SPHKAP: variants seen among roughly 807,000 people sequenced by gnomAD.
SPHKAP encodes the protein A-kinase anchor protein SPHKAP.
SPHKAP carries 67 observed loss-of-function variants against 137.5 expected under a neutral mutation model. The observed-to-expected ratio is 0.49, with a 90% CI of 0.40 to 0.60. The LOEUF (loss-of-function observed/expected upper bound fraction) is 0.60, where lower values mean the gene tolerates loss of function less well. SPHKAP is among the 20% of genes least tolerant of loss of function. The pLI is 0.00. For synonymous variants in SPHKAP, 813 were observed against 785.3 expected, an observed-to-expected ratio of 1.04 and a Z score of -0.59; for missense variants, 2,097 against 2,069.3, an observed-to-expected ratio of 1.01 and a Z score of -0.26.
At chr2:228,131,291 G>A (rs1220035121) in intron 2 of SPHKAP, 1 of 984,826 alleles carries the variant, frequency 1.0e-6, no homozygotes, top group African/African-American at 1.8e-5. Flanking sequence ...TTCTGAATTG[G>A]GATGAGAAGA....
At chr2:228,025,060 C>T (rs757408051) in intron 5 of SPHKAP, among the ~76,000 whole-genome samples, 2 of 152,064 alleles carry the variant, frequency 1.3e-5, no homozygotes, top group Non-Finnish European at 2.9e-5. Context: ...TCATACTGCT[C>T]CTAAAAGAGA....
chr2:228,083,460 G>GT (rs34147377), intron 3 of SPHKAP, among the ~76,000 whole-genome samples: 3 of 151,974 alleles, frequency 2.0e-5, no homozygotes, highest in Non-Finnish European at 2.9e-5. Flanking sequence ...TTTTTTCTAT[G>GT]TTTTTTGGCC....
intron 11 of SPHKAP, 175 bp downstream of exon 11, chr2:227,990,824 TA>T: frequency 1.5e-6 from 1 of 658,382 alleles, no homozygotes; most frequent in Non-Finnish European, 2.5e-6. Flanking sequence ...AAAGAAACGC[TA>T]AGTATATTAT....
At chr2:228,065,534 G>A (rs1209952468) in intron 3 of SPHKAP, among the ~76,000 whole-genome samples, 1 of 152,086 alleles carries the variant, frequency 6.6e-6, no homozygotes, top group East Asian at 1.9e-4. Flanking sequence ...CTATAAAAGG[G>A]GGCACTGAGA....
intron 3 of SPHKAP, among the ~76,000 whole-genome samples, chr2:228,083,496 G>A (rs1697433373): frequency 6.6e-6 from 1 of 152,096 alleles, no homozygotes; most frequent in Non-Finnish European, 1.5e-5. Context: ...TTTGACAAGT[G>A]TCTGTTCATA....
At chr2:228,061,562 G>A (rs1051473337) in intron 3 of SPHKAP, among the ~76,000 whole-genome samples, 1 of 151,894 alleles carries the variant, frequency 6.6e-6, no homozygotes, top group Non-Finnish European at 1.5e-5. Flanking sequence ...ATGAGCCACC[G>A]CGCCCGACCT....
intron 1 of SPHKAP, among the ~76,000 whole-genome samples, chr2:228,166,094 T>C (rs1470321760): frequency 6.6e-6 from 1 of 152,104 alleles, no homozygotes; most frequent in Admixed American, 6.6e-5. Context: ...TATGACATGA[T>C]AGGTGCCTCA....
At chr2:228,032,317 A>G (rs918403538) in intron 3 of SPHKAP, among the ~76,000 whole-genome samples, 4 of 152,180 alleles carry the variant, frequency 2.6e-5, no homozygotes, top group African/African-American at 9.7e-5. Context: ...TGAAGCGAGA[A>G]GGGAAGATTA....
At chr2:228,137,285 C>T (rs527687141) in intron 1 of SPHKAP, among the ~76,000 whole-genome samples, 2 of 152,200 alleles carry the variant, frequency 1.3e-5, no homozygotes, top group Admixed American at 6.5e-5. Context: ...AGATGCCCAA[C>T]AAGCACTTAT....
intron 3 of SPHKAP, among the ~76,000 whole-genome samples, chr2:228,029,869 C>A (rs974902938): frequency 6.6e-6 from 1 of 152,126 alleles, no homozygotes; most frequent in Admixed American, 6.5e-5. Context: ...TACCTTGCTC[C>A]TGGGCATGAC....
At chr2:228,119,457 A>ACACACACACACACACG (rs1491512570) in intron 2 of SPHKAP, among the ~76,000 whole-genome samples, 2 of 69,146 alleles carry the variant, frequency 2.9e-5, no homozygotes, top group African/African-American at 8.0e-5. Context: ...AGCCTAGTAT[A>ACACACACACACACACG]CACACACACA....
intron 1 of SPHKAP, among the ~76,000 whole-genome samples, chr2:228,170,061 C>T (rs575952515): frequency 1.1e-4 from 17 of 151,858 alleles, no homozygotes; most frequent in African/African-American, 4.1e-4. Flanking sequence ...TTGAGGGGTT[C>T]AAGGCTTCAG....
intron 2 of SPHKAP, among the ~76,000 whole-genome samples, chr2:228,117,739 A>C (rs1698757960): frequency 6.6e-6 from 1 of 152,048 alleles, no homozygotes; most frequent in Non-Finnish European, 1.5e-5. Flanking sequence ...GAACAGTTTC[A>C]TCACCTTCCT....
At chr2:228,046,425 A>G (rs2106266274) in intron 3 of SPHKAP, among the ~76,000 whole-genome samples, 1 of 150,298 alleles carries the variant, frequency 6.7e-6, no homozygotes, top group Middle Eastern at 3.5e-3. Context: ...GGCCTTTACG[A>G]TGCAAGCAGT....
In SPHKAP at chr2:228,016,613, A is replaced by T; in HGVS notation, c.4241T>A (p.Ile1414Lys). 1 of 1,613,918 alleles carries T rather than the reference A, an allele frequency of 6.2e-7. No individual in the cohort carries two copies. Among genetic ancestry groups the T allele is most frequent in the African/African-American group, 1.3e-5 (1 of 74,978 alleles). The change falls in exon 7 of 12, where the codon ATA becomes AAA. Residue 1414 changes from isoleucine to lysine, a missense_variant. Transcript: ENST00000392056. ...GCAAAGTGATCGCCTTTTGTGGTTT[A>T]TTGGTACAGGGTCCTGGCACGAGGA... ...ETSSCQDPVP[I>K]NHKRRSLCSR... is the part of the protein sequence containing the mutation.
rs1350820268 is a variant in SPHKAP, at chr2:228,017,077, A to G, written c.3777T>C (p.Ser1259=). ...GGCAGTTCTGAGCAAAGCCATCTAAAGAGTTGGCTTTGATGGGCACATTCA... is the reference window on the plus strand; with the variant it reads ...GGCAGTTCTGAGCAAAGCCATCTAAGGAGTTGGCTTTGATGGGCACATTCA... The part of the protein sequence containing the change: ...LTVNVPIKAN[S]LDGFAQNCPQ... Residue 1259 remains serine (S), a synonymous_variant, in exon 7 of 12, where the codon TCT becomes TCC. Coordinates refer to ENST00000392056, the MANE Select transcript of SPHKAP (RefSeq NM_001142644.2). 6.2e-7 allele frequency: 1 copy of G among 1,613,960 alleles called. No homozygotes were observed. The highest frequency in any genetic ancestry group is 8.5e-7 in the Non-Finnish European group (1 of 1,180,018).
At chr2:228,110,495 T>C (rs1461874128) in intron 2 of SPHKAP, among the ~76,000 whole-genome samples, 1 of 152,220 alleles carries the variant, frequency 6.6e-6, no homozygotes, top group African/African-American at 2.4e-5. Flanking sequence ...TGACGTTGGC[T>C]AGGGAACCTC....
In SPHKAP at chr2:228,019,861, T is replaced by C; in HGVS notation, c.993A>G (p.Gln331=). 6.2e-7 allele frequency: 1 copy of C among 1,614,230 alleles called. No individual in the cohort carries two copies. Among genetic ancestry groups the C allele is most frequent in the Non-Finnish European group, 8.5e-7 (1 of 1,180,040 alleles). The change falls in exon 7 of 12, where the codon CAA becomes CAG. Residue 331 remains glutamine (Q), a synonymous_variant. Coordinates refer to ENST00000392056, the MANE Select transcript of SPHKAP (RefSeq NM_001142644.2). ...HYYHSEAFKG[Q]MEKSQALYIP... ...TATACAGTGCCTGTGATTTTTCCAT[T>C]TGACCTTTAAAAGCTTCTGAATGAT...
At chr2:228,090,124 A>T (rs1378365531) in intron 3 of SPHKAP, among the ~76,000 whole-genome samples, 2 of 152,160 alleles carry the variant, frequency 1.3e-5, no homozygotes, top group African/African-American at 4.8e-5. Context: ...ACTCAACTAT[A>T]ACCTGTGAGA....
Sources: allele counts gnomAD v4.1 joint callset (sites outside exome capture counted in the v4.1 genomes callset), GRCh38; gene constraint gnomAD v4.1.1; transcripts MANE v1.5; gene names NCBI Gene and HGNC (gene_info 2026-07-23, HGNC 2026-07-21).